The following ADAMTS12 variants were observed in gnomAD, a reference collection of about 807,000 sequenced individuals.
ADAMTS12 encodes the protein A disintegrin and metalloproteinase with thrombospondin motifs 12.
Under a neutral mutation model 167.8 loss-of-function variants are expected in ADAMTS12, and 118 were observed. The ratio of observed to expected loss-of-function variants is 0.70; its 90% confidence interval spans 0.61 to 0.82. The LOEUF (loss-of-function observed/expected upper bound fraction) is 0.82. Among genes scored for constraint, ADAMTS12 ranks in the 40% least tolerant of loss-of-function variants. ADAMTS12 has a pLI of 0.00. For synonymous variants in ADAMTS12, 704 were observed against 716.9 expected, an observed-to-expected ratio of 0.98 and a Z score of 0.29; for missense variants, 1,916 against 1,998.8, an observed-to-expected ratio of 0.96 and a Z score of 0.79.
chr5:33,615,752 A>C, intron 15 of ADAMTS12, 76 bp downstream of exon 15: 1 of 1,576,272 alleles, frequency 6.3e-7, no homozygotes, highest in South Asian at 1.2e-5. Flanking sequence ...AATGTCCCCT[A>C]GCAAGTACCT....
At position 33,637,754 on chromosome 5, in the gene ADAMTS12, T is replaced by C. The variant is rs374832902; in HGVS notation, c.1719-8A>G. 2 of 1,611,918 alleles carry C rather than the reference T, an allele frequency of 1.2e-6. No individual in the cohort carries two copies. The highest frequency in any genetic ancestry group is 2.7e-5 in the African/African-American group (2 of 74,930). On this transcript the variant is annotated splice_region_variant and splice_polypyrimidine_tract_variant and intron_variant, in intron 11 of 23. Transcript: ENST00000504830. ...TTCCCTCCAAACTTTGGCCTGCAAATGAAACAGACAAGCTTTTCTTTTAGT... is the reference window on the plus strand; with the variant it reads ...TTCCCTCCAAACTTTGGCCTGCAAACGAAACAGACAAGCTTTTCTTTTAGT...
Position 33,683,160 on chromosome 5 carries a change from G to C in ADAMTS12, c.832-59C>G, listed in dbSNP as rs1742193929. On this transcript the variant is annotated intron_variant, in intron 4 of 23. Transcript: ENST00000504830. ...ACGAAGAGATAATAAATAAATACCA[G>C]AGAAGAAAATAGCATTGTAATGCAC... The C allele has an allele frequency of 3.0e-6, 4 of 1,333,410 alleles. No individual in the cohort carries two copies. The African/African-American group carries it at 5.9e-5, about 20-fold the overall frequency. 82.6% of individuals were successfully genotyped at this position (1,333,410 alleles called of 1,614,324 possible). A position where few individuals can be genotyped will look rare whatever the true frequency, so the allele number is the denominator to read the frequency against.
intron 19 of ADAMTS12, 32 bp downstream of exon 19, chr5:33,576,022 T>TA (rs1746687913): frequency 3.8e-6 from 6 of 1,570,788 alleles, no homozygotes; most frequent in Admixed American, 1.9e-5. Flanking sequence ...TTTTTCCATG[T>TA]AAAACCAGGC....
chr5:33,600,826 C>A (rs1738151626), intron 16 of ADAMTS12, among the ~76,000 whole-genome samples: 1 of 152,132 alleles, frequency 6.6e-6, no homozygotes, highest in Admixed American at 6.5e-5. Flanking sequence ...CAATAAAGAG[C>A]TTGTCACTTA....
intron 1 of ADAMTS12, among the ~76,000 whole-genome samples, chr5:33,888,338 T>C (rs1479596460): frequency 6.6e-6 from 1 of 152,182 alleles, no homozygotes; most frequent in Non-Finnish European, 1.5e-5. Context: ...AATTTACACA[T>C]GTTGGAATGT....
In ADAMTS12 at chr5:33,576,497, A is replaced by G. The variant is rs3813474; in HGVS notation, c.3529T>C (p.Trp1177Arg). The change falls in exon 19 of 24, where the codon TGG (tryptophan) becomes CGG (arginine). Residue 1177 changes from tryptophan to arginine, a missense_variant. Coordinates refer to ENST00000504830, the MANE Select transcript of ADAMTS12 (RefSeq NM_030955.4). ...EDKDESNPVI[W>R]TKIRVPGNDA... Reference sequence around the variant, plus strand: ...TTTCCAGGTACTCTGATCTTGGTCCATATTACAGGATTGCTTTCATCTTTG... The same window carrying G: ...TTTCCAGGTACTCTGATCTTGGTCCGTATTACAGGATTGCTTTCATCTTTG... The G allele has an allele frequency of 0.098, 158,018 of 1,609,812 alleles. 8,649 individuals carry two copies. The highest frequency in any genetic ancestry group is 0.14 in the Middle Eastern group (820 of 6,026).
chr5:33,533,255 T>C (rs1417894598), intron 23 of ADAMTS12, among the ~76,000 whole-genome samples: 2 of 152,122 alleles, frequency 1.3e-5, no homozygotes, highest in Admixed American at 6.5e-5. Flanking sequence ...CAACCAAGAG[T>C]AAGTTGTTGC....
chr5:33,684,064 T>C lies in ADAMTS12; in HGVS notation c.635-9A>G. The C allele has an allele frequency of 6.5e-7, 1 of 1,546,916 alleles. No homozygotes were observed. The highest frequency in any genetic ancestry group is 1.3e-5 in the South Asian group (1 of 78,052). On this transcript the variant is annotated splice_polypyrimidine_tract_variant and intron_variant, in intron 3 of 23. Transcript: ENST00000504830. ...GGAGATGTTAACACTGTCTAAACAG[T>C]AAACAGAAGACAATGGTCTAACACT...
At position 33,576,950 on chromosome 5, in the gene ADAMTS12, T is replaced by C; in HGVS notation, c.3076A>G (p.Thr1026Ala). 6.2e-7 allele frequency: 1 copy of C among 1,614,192 alleles called. No individual in the cohort carries two copies. Among genetic ancestry groups the C allele is most frequent in the Non-Finnish European group, 8.5e-7 (1 of 1,180,028 alleles). The change falls in exon 19 of 24, where the codon ACA (threonine) becomes GCA (alanine). Residue 1026 changes from threonine (T) to alanine (A), a missense_variant. Physicochemically the swap from Thr to Ala is moderately conservative, Grantham distance 58 (BLOSUM62 0). Coordinates refer to ENST00000504830, the MANE Select transcript of ADAMTS12 (RefSeq NM_030955.4). ...GTGGTCAGCATTCTGGGCCTGGATG[T>C]AGGTGGAGGGACGGGCTTTAGTGTT... ...PPTLKPVPPP[T>A]SRPRMLTTPT...
intron 2 of ADAMTS12, among the ~76,000 whole-genome samples, chr5:33,784,218 G>T (rs965086025): frequency 1.3e-5 from 2 of 151,762 alleles, no homozygotes; most frequent in African/African-American, 2.4e-5. Flanking sequence ...CCTTATAAAA[G>T]ATATGTTTAA....
chr5:33,862,049 AG>A (rs1419861495), intron 2 of ADAMTS12, among the ~76,000 whole-genome samples: 2 of 152,240 alleles, frequency 1.3e-5, no homozygotes, highest in Non-Finnish European at 2.9e-5. Context: ...GGAAATATAC[AG>A]CACTAAATGT....
At chr5:33,823,091 T>TAAA (rs34101310) in intron 2 of ADAMTS12, among the ~76,000 whole-genome samples, 2 of 140,160 alleles carry the variant, frequency 1.4e-5, no homozygotes, top group African/African-American at 2.7e-5. Context: ...ACCCCATTTC[T>TAAA]AAAAAAAAAA....
At chr5:33,557,376 TTCCTGCTC>T (rs752988284) in intron 20 of ADAMTS12, among the ~76,000 whole-genome samples, 37 of 152,302 alleles carry the variant, frequency 2.4e-4, no homozygotes, top group Non-Finnish European at 5.0e-4. Context: ...GGGATCCTCT[TTCCTGCTC>T]TGGATTTTGA....
rs773676584 is a variant in ADAMTS12 at position 33,641,844 on chromosome 5, C to G, written c.1684G>C (p.Val562Leu). ...SHCSRTCGAG[V>L]QSAERLCNNP... is the part of the protein sequence containing the mutation. ...TTGCAGAGCCTCTCTGCGCTCTGGA[C>G]TCCAGCCCCACAGGTCCTGGAACAG... The change falls in exon 11 of 24, where the codon GTC becomes CTC. Residue 562 changes from valine (V) to leucine (L), a missense_variant. Val to Leu is a conservative substitution (Grantham distance 32, BLOSUM62 1). Transcript: ENST00000504830. 1.2e-6 allele frequency: 2 copies of G among 1,613,444 alleles called. No homozygotes were observed. Among genetic ancestry groups the G allele is most frequent in the Non-Finnish European group, 1.7e-6 (2 of 1,179,522 alleles).
At chr5:33,551,007 G>T (rs1363288198) in intron 20 of ADAMTS12, among the ~76,000 whole-genome samples, 1 of 152,108 alleles carries the variant, frequency 6.6e-6, no homozygotes, top group African/African-American at 2.4e-5. Context: ...GATCTCATTG[G>T]CAGTCTTGGC....
intron 22 of ADAMTS12, among the ~76,000 whole-genome samples, chr5:33,544,524 A>T (rs1007655858): frequency 6.6e-6 from 1 of 152,180 alleles, no homozygotes; most frequent in East Asian, 1.9e-4. Flanking sequence ...TAAAGTTCAT[A>T]TGGAACCAAA....
intron 1 of ADAMTS12, among the ~76,000 whole-genome samples, chr5:33,883,327 G>GTTTTTTTTTTTTTTTTTTTT (rs79064946): frequency 1.8e-4 from 20 of 111,592 alleles, no homozygotes; most frequent in Non-Finnish European, 2.6e-4. Context: ...TTTTTTTTTT[G>GTTTTTTTTTTTTTTTTTTTT]TTTTTTTTTT....
chr5:33,630,129 T>G (rs1365246033), intron 13 of ADAMTS12, among the ~76,000 whole-genome samples: 1 of 152,214 alleles, frequency 6.6e-6, no homozygotes, highest in Non-Finnish European at 1.5e-5. Flanking sequence ...TTTAACCAAT[T>G]AAAAACACTT....
At chr5:33,864,326 A>T (rs1749728792) in intron 2 of ADAMTS12, among the ~76,000 whole-genome samples, 1 of 152,226 alleles carries the variant, frequency 6.6e-6, no homozygotes, top group Non-Finnish European at 1.5e-5. Context: ...ATCATTAAAA[A>T]GTCAGGAAAC....
Sources: gnomAD v4.1 joint callset for allele counts (sites outside exome capture counted in the v4.1 genomes callset) on GRCh38, gnomAD v4.1.1 for gene constraint, MANE v1.5 for transcripts, NCBI Gene and HGNC (gene_info 2026-07-23, HGNC 2026-07-21) for gene names.